TECTA: variants seen among roughly 807,000 people sequenced by gnomAD.
The protein encoded by TECTA is alpha-tectorin.
Under a neutral mutation model 216.8 loss-of-function variants are expected in TECTA, and 128 were observed. The ratio of observed to expected loss-of-function variants is 0.59; its 90% CI spans 0.51 to 0.68. The LOEUF (loss-of-function observed/expected upper bound fraction) is 0.68. Ranked by LOEUF, TECTA falls within the 30% of genes least tolerant of loss-of-function variation. The pLI, the probability that TECTA is intolerant of heterozygous loss-of-function variation, is 0.00. For missense variants in TECTA, 2,551 were observed against 2,786.2 expected, an observed-to-expected ratio of 0.92 and a Z score of 1.90; for synonymous variants, 1,089 against 1,117.1, an observed-to-expected ratio of 0.97 and a Z score of 0.50.
At chr11:121,176,418 A>G (rs1947167715) in intron 20 of TECTA, among the ~76,000 whole-genome samples, 2 of 140,900 alleles carry the variant, frequency 1.4e-5, no homozygotes, top group African/African-American at 5.7e-5. Flanking sequence ...GCTTGTCTGT[A>G]AAGTATTTTA....
chr11:121,103,805 A>G, intron 2 of TECTA, among the ~76,000 whole-genome samples: 1 of 152,112 alleles, frequency 6.6e-6, no homozygotes, highest in East Asian at 1.9e-4. Flanking sequence ...TTCATTTGAC[A>G]AGTATTATTT....
chr11:121,132,554 G>A (rs1420580482), intron 10 of TECTA, among the ~76,000 whole-genome samples: 2 of 152,072 alleles, frequency 1.3e-5, no homozygotes, highest in Non-Finnish European at 2.9e-5. Context: ...ATTCCTTAGT[G>A]GAGAGAGTGA....
chr11:121,145,424 C>G (rs1055402953), intron 11 of TECTA, 131 bp from the exon 12 acceptor site: 3 of 872,210 alleles, frequency 3.4e-6, no homozygotes, highest in Middle Eastern at 2.7e-4. Flanking sequence ...AACAACAGTA[C>G]ATGCAAAGAC....
Position 121,145,679 on chromosome 11 carries a change from C to A in TECTA, c.3668C>A (p.Thr1223Asn). The change falls in exon 12 of 24, where the codon ACC (threonine) becomes AAC (asparagine). Residue 1223 changes from threonine (T) to asparagine (N), a missense_variant. Thr to Asn is a moderately conservative substitution (Grantham distance 65). Around this residue, in one of 3 missense-constraint regions of TECTA, gnomAD observed 2,375 missense variants for 2,563.9 expected, o/e 0.93. Coordinates refer to ENST00000392793, the MANE Select transcript of TECTA (RefSeq NM_005422.4). Reference sequence around the variant, plus strand: ...CTGAAGGTTGTATATGACTGGAAGACCTTCCTGTCCATCACAGTCCCTCGG... The same window carrying A: ...CTGAAGGTTGTATATGACTGGAAGAACTTCCTGTCCATCACAGTCCCTCGG... ...FGLKVVYDWK[T>N]FLSITVPRSM... 6.2e-7 allele frequency: 1 copy of A among 1,614,236 alleles called. No homozygotes were observed. Among genetic ancestry groups the A allele is most frequent in the Non-Finnish European group, 8.5e-7 (1 of 1,180,048 alleles).
At position 121,127,966 on chromosome 11, in the gene TECTA, G is replaced by T. The variant is rs1377821298; in HGVS notation, c.1989G>T (p.Glu663Asp). 4 of 1,614,052 alleles carry T rather than the reference G, an allele frequency of 2.5e-6. No homozygotes were observed. The African/African-American group carries it at 4.0e-5, about 16-fold the overall frequency. The change falls in exon 9 of 24, where the codon GAG becomes GAT. Residue 663 changes from glutamate (E) to aspartate (D), a missense_variant. Physicochemically the swap from Glu to Asp is conservative, Grantham distance 45. Around this residue, in one of 3 missense-constraint regions of TECTA, gnomAD observed 2,375 missense variants for 2,563.9 expected, o/e 0.93. Coordinates refer to ENST00000392793, the MANE Select transcript of TECTA (RefSeq NM_005422.4). This position sits in a 1 kb window ranked among gnomAD's most constrained non-coding sequence, Gnocchi z 5.0. ...DFDGHYYTMG[E>D]FFWATANCTV... ...ACGGCCACTACTACACCATGGGGGA[G>T]TTCTTCTGGGCCACGGCCAACTGCA...
In TECTA at chr11:121,137,454, A is replaced by G. The variant is rs754686718; in HGVS notation, c.2975A>G (p.Glu992Gly). The stretch of plus-strand genomic sequence containing the variant: ...TGCCCAGAGAACAGCCACTTTGAGG[A>G]GTGCATCACATGTACAGAGACCTGT... ...LECPENSHFE[E>G]CITCTETCET... is the part of the protein sequence containing the mutation. The change falls in exon 11 of 24, where the codon GAG (glutamate) becomes GGG (glycine). Residue 992 changes from glutamate (E) to glycine (G), a missense_variant. By Grantham distance (98) the Glu-to-Gly change is moderately conservative (BLOSUM62 -2). Coordinates refer to ENST00000392793, the MANE Select transcript of TECTA (RefSeq NM_005422.4). 6.2e-7 allele frequency: 1 copy of G among 1,613,912 alleles called. No homozygotes were observed.
rs761974828 is a variant in TECTA, at chr11:121,118,509, AC to A, written c.995del (p.Thr332IlefsTer47). The A allele has an allele frequency of 1.2e-6, 2 of 1,614,074 alleles. No homozygotes were observed. Among genetic ancestry groups the A allele is most frequent in the South Asian group, 1.1e-5 (1 of 91,070 alleles). On this transcript the variant is annotated frameshift_variant, in exon 7 of 24. Transcript: ENST00000392793. LOFTEE classifies it high-confidence loss of function. ...CVVFGEPHYH[T>X]FDGFLFHFQG... is the part of the protein sequence containing the mutation. ...GGTGTTTGGGGAGCCACACTACCAC[AC>A]TTTTGACGGCTTCCTCTTCCACTTC...
intron 20 of TECTA, among the ~76,000 whole-genome samples, chr11:121,182,962 G>T (rs1947245416): frequency 6.6e-6 from 1 of 152,194 alleles, no homozygotes; most frequent in Non-Finnish European, 1.5e-5. Context: ...CCCTGCTGCT[G>T]GGGAAGTGGC....
At chr11:121,163,815 A>G (rs1195982457) in intron 16 of TECTA, among the ~76,000 whole-genome samples, 1 of 152,208 alleles carries the variant, frequency 6.6e-6, no homozygotes, top group Non-Finnish European at 1.5e-5. Context: ...CCTCTGCACC[A>G]TCTTTCTGTT....
At chr11:121,180,813 C>CTT (rs34807486) in intron 20 of TECTA, among the ~76,000 whole-genome samples, 13,668 of 119,716 alleles carry the variant, frequency 0.11, 1,023 homozygotes, top group South Asian at 0.28. Context: ...TTTCTTATTC[C>CTT]TTTTTTTTTT....
In TECTA at chr11:121,137,782, C is replaced by T. The variant is rs375594822; in HGVS notation, c.3303C>T (p.Ile1101=). ...AAGCCCGCACCGACGCCTCCTGCATCGTCTCAGGCTACGGCCACTACCTCA... is the reference window on the plus strand; with the variant it reads ...AAGCCCGCACCGACGCCTCCTGCATTGTCTCAGGCTACGGCCACTACCTCA... ...YCQARTDASC[I]VSGYGHYLTF... Residue 1101 remains isoleucine, a synonymous_variant, in exon 11 of 24, where the codon ATC becomes ATT. Transcript: ENST00000392793. 30 of 1,614,044 alleles carry T rather than the reference C, an allele frequency of 1.9e-5. No homozygotes were observed. Among genetic ancestry groups the T allele is most frequent in the African/African-American group, 6.7e-5 (5 of 74,914 alleles).
At chr11:121,111,773 C>T (rs1294165910) in intron 4 of TECTA, among the ~76,000 whole-genome samples, 2 of 152,240 alleles carry the variant, frequency 1.3e-5, no homozygotes, top group Non-Finnish European at 2.9e-5. Flanking sequence ...GAGCCTACTG[C>T]TCACTCATCT....
Position 121,190,987 on chromosome 11 carries a change from G to A in TECTA, c.*181G>A, listed in dbSNP as rs1430807121. 1 of 554,548 alleles carries A rather than the reference G, an allele frequency of 1.8e-6. No homozygotes were observed. The highest frequency in any genetic ancestry group is 1.9e-5 in the African/African-American group (1 of 52,632). The allele number at this position is 554,548 out of a possible 1,614,324, so 34.4% of individuals were successfully genotyped here. ...CGACCATCCAAGCTCCTCTTTCAGA[G>A]TATGAAACGGGGCTTCTACAAGCCA... On this transcript the variant is annotated 3_prime_UTR_variant, in exon 24 of 24. Coordinates refer to ENST00000392793, the MANE Select transcript of TECTA (RefSeq NM_005422.4).
intron 17 of TECTA, among the ~76,000 whole-genome samples, chr11:121,166,269 G>A: frequency 6.6e-6 from 1 of 152,206 alleles, no homozygotes; most frequent in Non-Finnish European, 1.5e-5. Context: ...GGCATGTTCA[G>A]TATGCAGCTT....
chr11:121,129,773 A>C lies in TECTA; in HGVS notation c.2503A>C (p.Ile835Leu), dbSNP rs1417524314. The change falls in exon 10 of 24, where the codon ATC becomes CTC. Residue 835 changes from isoleucine (I) to leucine (L), a missense_variant. By Grantham distance (5) the Ile-to-Leu change is conservative. Transcript: ENST00000392793. ...GTACTCAGACATAGGTCTATTGTACATCCGGCTGTCCACCACATACTTCAA... is the reference window on the plus strand; with the variant it reads ...GTACTCAGACATAGGTCTATTGTACCTCCGGCTGTCCACCACATACTTCAA... ...VQYSDIGLLY[I>L]RLSTTYFNCT... 3 of 1,614,130 alleles carry C rather than the reference A, an allele frequency of 1.9e-6. No homozygotes were observed. The highest frequency in any genetic ancestry group is 1.7e-5 in the Admixed American group (1 of 60,010).
intron 7 of TECTA, among the ~76,000 whole-genome samples, chr11:121,120,023 C>G (rs947890299): frequency 2.0e-5 from 3 of 152,158 alleles, no homozygotes; most frequent in Non-Finnish European, 1.5e-5. Flanking sequence ...GCATTTCAAG[C>G]TAGAAAAAAT....
At chr11:121,117,132 T>G (rs1018956454) in intron 6 of TECTA, among the ~76,000 whole-genome samples, 3 of 152,248 alleles carry the variant, frequency 2.0e-5, no homozygotes, top group African/African-American at 4.8e-5. Flanking sequence ...TATTTACATT[T>G]CTTAATGCTG....
At position 121,157,881 on chromosome 11, in the gene TECTA, GC is replaced by G. The variant is rs1195146032; in HGVS notation, c.4348del (p.Arg1450AlafsTer7). 2 of 1,614,112 alleles carry G rather than the reference GC, an allele frequency of 1.2e-6. No individual in the cohort carries two copies. Among genetic ancestry groups the G allele is most frequent in the African/African-American group, 2.7e-5 (2 of 74,954 alleles). On this transcript the variant is annotated frameshift_variant, in exon 14 of 24. Coordinates refer to ENST00000392793, the MANE Select transcript of TECTA (RefSeq NM_005422.4). LOFTEE classifies it high-confidence loss of function. Reference sequence around the variant, plus strand: ...TGGAACAGCGACTGCACGCGGCGCTGCCGCTGTTTCCGTCGCAACGTGATTC... The same window carrying G: ...TGGAACAGCGACTGCACGCGGCGCTGCGCTGTTTCCGTCGCAACGTGATTC... ...LFWNSDCTRR[C>X]RCFRRNVIQC...
chr11:121,172,308 A>C (rs1032405775), intron 20 of TECTA, among the ~76,000 whole-genome samples: 7 of 152,096 alleles, frequency 4.6e-5, no homozygotes, highest in Non-Finnish European at 1.0e-4. Context: ...ATTTAGCATT[A>C]GGTGTATCTC....
Sources: gnomAD v4.1 joint callset for allele counts (sites outside exome capture counted in the v4.1 genomes callset) on GRCh38, gnomAD v4.1.1 for gene constraint, gnomAD v4.1.1 regional missense constraint, Gnocchi (gnomAD v3.1) non-coding constraint, MANE v1.5 for transcripts, NCBI Gene and HGNC (gene_info 2026-07-23, HGNC 2026-07-21) for gene names.